COL24A1: variants seen among roughly 807,000 people sequenced by gnomAD.
The protein encoded by COL24A1 is collagen type XXIV alpha 1 chain.
Under a neutral mutation model 253.9 loss-of-function variants are expected in COL24A1, and 224 were observed. The observed-to-expected ratio is 0.88, with a 90% CI of 0.79 to 0.99. The LOEUF is 0.99. Among genes scored for constraint, COL24A1 ranks in the 50% least tolerant of loss-of-function variants. The pLI is 0.00. For synonymous variants in COL24A1, 685 were observed against 673.7 expected, an observed-to-expected ratio of 1.02 and a Z score of -0.26; for missense variants, 2,131 against 2,068.5, an observed-to-expected ratio of 1.03 and a Z score of -0.59.
At chr1:85,993,026 A>C (rs1694433540) in intron 19 of COL24A1, among the ~76,000 whole-genome samples, 1 of 152,172 alleles carries the variant, frequency 6.6e-6, no homozygotes, top group African/African-American at 2.4e-5. Flanking sequence ...AGTAAAAACA[A>C]AGTTTTATTA....
intron 9 of COL24A1, among the ~76,000 whole-genome samples, chr1:86,058,262 G>A (rs999478735): frequency 3.3e-5 from 5 of 151,766 alleles, no homozygotes; most frequent in Admixed American, 3.3e-4. Context: ...CTCATTGGAA[G>A]ACTGTGTTGT....
intron 52 of COL24A1, among the ~76,000 whole-genome samples, chr1:85,776,209 G>C (rs557137946): frequency 4.6e-5 from 7 of 152,182 alleles, no homozygotes; most frequent in African/African-American, 1.7e-4. Flanking sequence ...GGATTATTTA[G>C]AAGTGTGTGA....
intron 11 of COL24A1, among the ~76,000 whole-genome samples, chr1:86,047,539 A>T (rs1490487280): frequency 6.6e-6 from 1 of 152,138 alleles, no homozygotes; most frequent in Non-Finnish European, 1.5e-5. Context: ...TTCATCTATG[A>T]TGAGAAGAAT....
At position 85,919,894 on chromosome 1, in the gene COL24A1, A is replaced by G. The variant is rs531524048; in HGVS notation, c.2563-8461T>C. On this transcript the variant is annotated intron_variant, in intron 24 of 59. Coordinates refer to ENST00000370571, the MANE Select transcript of COL24A1 (RefSeq NM_152890.7). ...AAATACAGTGAATTTACGTATTAAC[A>G]TAAAATTGAAAAACTGTGAAATCTA... Among the ~76,000 whole-genome samples the G allele has an allele frequency of 2.6e-3, 395 of 152,352 alleles. 1 individual carries two copies. The highest frequency in any genetic ancestry group is 7.9e-3 in the African/African-American group (330 of 41,590).
At chr1:86,029,611 ATTTTT>A (rs199577782) in intron 14 of COL24A1, among the ~76,000 whole-genome samples, 1 of 129,568 alleles carries the variant, frequency 7.7e-6, no homozygotes, top group South Asian at 2.5e-4. Context: ...TATTTATTTG[ATTTTT>A]TTTTTTTTTT....
chr1:85,860,237 T>A (rs1678983646), intron 37 of COL24A1, among the ~76,000 whole-genome samples: 1 of 152,226 alleles, frequency 6.6e-6, no homozygotes, highest in Admixed American at 6.5e-5. Context: ...TGTGCCCATT[T>A]AATGTGTACA....
intron 47 of COL24A1, among the ~76,000 whole-genome samples, chr1:85,791,692 C>T (rs1670291455): frequency 6.6e-6 from 1 of 152,024 alleles, no homozygotes; most frequent in Non-Finnish European, 1.5e-5. Flanking sequence ...AAATCATACG[C>T]TCATGAATTG....
At chr1:85,827,832 C>A (rs1014115101) in intron 43 of COL24A1, among the ~76,000 whole-genome samples, 21 of 152,046 alleles carry the variant, frequency 1.4e-4, no homozygotes, top group African/African-American at 5.1e-4. Flanking sequence ...ATTAGTCTTG[C>A]TAGTGGTCTA....
At chr1:85,953,908 G>T (rs1690179221) in intron 24 of COL24A1, among the ~76,000 whole-genome samples, 1 of 152,140 alleles carries the variant, frequency 6.6e-6, no homozygotes, top group South Asian at 2.1e-4. Flanking sequence ...CAAGTAAGGT[G>T]ATCAAGTTTA....
At chr1:86,058,036 G>T in intron 9 of COL24A1, 61 bp from the exon 10 acceptor site, 1 of 1,389,900 alleles carries the variant, frequency 7.2e-7, no homozygotes, top group Non-Finnish European at 1.0e-6. Flanking sequence ...TTAATAAATA[G>T]ATTAATAAAA....
At chr1:85,744,872 T>A in intron 56 of COL24A1, 38 bp from the exon 57 acceptor site, 2 of 1,546,084 alleles carry the variant, frequency 1.3e-6, no homozygotes, top group South Asian at 1.2e-5. Flanking sequence ...AGCAAAAAAA[T>A]CCTGAGGACC....
intron 24 of COL24A1, among the ~76,000 whole-genome samples, chr1:85,915,463 T>C (rs1377627123): frequency 1.3e-5 from 2 of 152,256 alleles, no homozygotes; most frequent in African/African-American, 4.8e-5. Flanking sequence ...CCCACAATCA[T>C]GTGAGCCAAT....
In COL24A1 at chr1:86,124,907, C is replaced by A; in HGVS notation, c.1429G>T (p.Asp477Tyr). The A allele has an allele frequency of 1.2e-6, 2 of 1,608,970 alleles. No homozygotes were observed. Among genetic ancestry groups the A allele is most frequent in the South Asian group, 1.1e-5 (1 of 90,168 alleles). ...TELYDYYYYEDLNTMLEMEYL... is the reference protein window; with the variant it reads ...TELYDYYYYEYLNTMLEMEYL... ...TCCATTTCAAGCATTGTATTTAGAT[C>A]CTCATAATAATAATAATCATAAAGC... Residue 477 changes from aspartate to tyrosine, a missense_variant, in exon 3 of 60, where the codon GAT becomes TAT. Asp to Tyr is a radical substitution (Grantham distance 160). Transcript: ENST00000370571.
At chr1:85,906,081 A>C (rs12753255) in intron 28 of COL24A1, among the ~76,000 whole-genome samples, 30,149 of 151,642 alleles carry the variant, frequency 0.2, 3,352 homozygotes, top group Non-Finnish European at 0.24. Flanking sequence ...ATGTGACCAT[A>C]GAGTATAAAT....
intron 3 of COL24A1, among the ~76,000 whole-genome samples, chr1:86,119,647 T>C (rs761235170): frequency 3.9e-5 from 6 of 152,036 alleles, no homozygotes; most frequent in African/African-American, 4.8e-5. Flanking sequence ...TAAGATGGTG[T>C]TTTAGGCAGC....
chr1:85,796,295 AT>A (rs936297450), intron 47 of COL24A1, among the ~76,000 whole-genome samples: 30 of 152,282 alleles, frequency 2.0e-4, no homozygotes, highest in African/African-American at 7.2e-4. Flanking sequence ...CACAGAAATT[AT>A]TTACAACTGA....
intron 20 of COL24A1, among the ~76,000 whole-genome samples, chr1:85,978,967 A>T (rs1692975178): frequency 6.6e-6 from 1 of 152,176 alleles, no homozygotes. Flanking sequence ...AAATTTAAGA[A>T]AATAGAAATT....
At chr1:86,110,848 G>GC (rs994121076) in intron 5 of COL24A1, among the ~76,000 whole-genome samples, 2 of 151,332 alleles carry the variant, frequency 1.3e-5, no homozygotes, top group African/African-American at 2.4e-5. Context: ...GGGCTGCCGC[G>GC]CGGCCCAAGC....
At chr1:85,746,187 G>A (rs1665195454) in intron 55 of COL24A1, among the ~76,000 whole-genome samples, 1 of 152,066 alleles carries the variant, frequency 6.6e-6, no homozygotes, top group African/African-American at 2.4e-5. Flanking sequence ...TGGCATCTGT[G>A]TAAGTGAAAC....
Sources: gnomAD v4.1 joint callset for allele counts (sites outside exome capture counted in the v4.1 genomes callset) on GRCh38, gnomAD v4.1.1 for gene constraint, MANE v1.5 for transcripts, NCBI Gene and HGNC (gene_info 2026-07-23, HGNC 2026-07-21) for gene names.